The following STOX2 variants were observed in gnomAD, a reference collection of about 807,000 sequenced individuals.
STOX2 encodes the protein storkhead-box protein 2.
In STOX2, 28 loss-of-function variants were observed where a neutral mutation model predicts 60.9. The ratio of observed to expected loss-of-function variants is 0.46; its 90% confidence interval spans 0.34 to 0.63. The LOEUF is 0.63. STOX2 is among the 30% of genes least tolerant of loss of function. STOX2 has a pLI of 0.01. For missense variants in STOX2, 1,024 were observed against 1,187.7 expected, an observed-to-expected ratio of 0.86 and a Z score of 2.03; for synonymous variants, 472 against 463.9, an observed-to-expected ratio of 1.02 and a Z score of -0.22.
At chr4:183,998,856 G>A (rs1282758944) in intron 1 of STOX2, among the ~76,000 whole-genome samples, 4 of 151,654 alleles carry the variant, frequency 2.6e-5, no homozygotes, top group Non-Finnish European at 5.9e-5. Context: ...TTAGGTTTTA[G>A]AGTAAGACTT....
chr4:184,007,948 G>A (rs1239668816), intron 2 of STOX2, among the ~76,000 whole-genome samples: 1 of 152,180 alleles, frequency 6.6e-6, no homozygotes, highest in African/African-American at 2.4e-5. Flanking sequence ...AGGATTTCAG[G>A]ATATAAATTG....
intron 1 of STOX2, among the ~76,000 whole-genome samples, chr4:183,943,004 A>G (rs1742792193): frequency 6.6e-6 from 1 of 152,198 alleles, no homozygotes; most frequent in African/African-American, 2.4e-5. Context: ...TTTCTGGAAG[A>G]CTGTTTGAAT....
intron 1 of STOX2, among the ~76,000 whole-genome samples, chr4:183,951,514 G>A (rs866293502): frequency 3.0e-4 from 42 of 138,816 alleles, no homozygotes; most frequent in Middle Eastern, 8.6e-3. Context: ...GCAGTGGCGC[G>A]ATCTCAGCTC....
chr4:183,854,701 C>T (rs1355051754), intron 1 of STOX2, among the ~76,000 whole-genome samples: 4 of 152,128 alleles, frequency 2.6e-5, no homozygotes, highest in Non-Finnish European at 5.9e-5. Context: ...GAAACTTTCT[C>T]ATAAATGATT....
At chr4:183,801,326 G>T (rs924086815) in intron 1 of STOX2, among the ~76,000 whole-genome samples, 1 of 152,204 alleles carries the variant, frequency 6.6e-6, no homozygotes, top group Non-Finnish European at 1.5e-5. Flanking sequence ...AGGGTATACA[G>T]GATGCTGGTA....
chr4:183,976,463 A>G (rs1202798169), intron 1 of STOX2, among the ~76,000 whole-genome samples: 2 of 150,172 alleles, frequency 1.3e-5, no homozygotes, highest in Non-Finnish European at 3.0e-5. Context: ...TCAACAATCT[A>G]TGTAGGATTA....
chr4:183,930,378 G>T (rs1462429130), intron 1 of STOX2, among the ~76,000 whole-genome samples: 3 of 150,210 alleles, frequency 2.0e-5, no homozygotes, highest in Non-Finnish European at 4.5e-5. Context: ...TTTGAGACAG[G>T]GTCTTACTCT....
intron 1 of STOX2, among the ~76,000 whole-genome samples, chr4:183,840,997 A>G (rs1298561169): frequency 6.6e-6 from 1 of 152,086 alleles, no homozygotes; most frequent in African/African-American, 2.4e-5. Context: ...CCTCCTGAGT[A>G]GCTGGGATTA....
intron 1 of STOX2, among the ~76,000 whole-genome samples, chr4:183,946,086 G>T (rs980655409): frequency 6.6e-6 from 1 of 152,156 alleles, no homozygotes; most frequent in Non-Finnish European, 1.5e-5. Flanking sequence ...GGTCTAACAG[G>T]TCTTGTTCTA....
intron 1 of STOX2, among the ~76,000 whole-genome samples, chr4:183,813,482 A>G (rs1241632814): frequency 6.6e-6 from 1 of 152,190 alleles, no homozygotes; most frequent in Non-Finnish European, 1.5e-5. Context: ...ATCTGGAAGG[A>G]TGTGAGTAGG....
Position 183,855,354 on chromosome 4 carries a change from G to T in STOX2, c.364+57299G>T, listed in dbSNP as rs1010792685. ...TTTAGTTCATAGGCTCGTCTTGGGG[G>T]AGTAATGCAGGCATGTGTGAAAGGG... On this transcript the variant is annotated intron_variant, in intron 1 of 2. Transcript: ENST00000513034. 2.6e-5 allele frequency among the ~76,000 whole-genome samples: 4 copies of T among 152,178 alleles called. No homozygotes were observed. The South Asian group carries it at 8.3e-4, about 32-fold the overall frequency.
At chr4:183,901,500 A>G (rs541864758), upstream of STOX2, among the ~76,000 whole-genome samples, 4 of 152,110 alleles carry the variant, frequency 2.6e-5, no homozygotes, top group South Asian at 6.2e-4. Flanking sequence ...ACTGTTTTCC[A>G]CAGTAGCTGT....
At chr4:183,910,568 T>TG (rs1741749696) in intron 1 of STOX2, among the ~76,000 whole-genome samples, 1 of 152,168 alleles carries the variant, frequency 6.6e-6, no homozygotes, top group Non-Finnish European at 1.5e-5. Context: ...AGCAAAGTTT[T>TG]GGGGGACATC....
intron 1 of STOX2, among the ~76,000 whole-genome samples, chr4:183,995,775 G>T (rs1733313299): frequency 6.6e-6 from 1 of 152,196 alleles, no homozygotes; most frequent in Admixed American, 6.5e-5. Flanking sequence ...CCAGGATCTG[G>T]CCCCTTTTTT....
In STOX2 at chr4:183,981,488, A is replaced by C. The variant is rs374392752; in HGVS notation, c.167-19837A>C. Among the ~76,000 whole-genome samples the C allele has an allele frequency of 1.9e-4, 29 of 151,896 alleles. No individual in the cohort carries two copies. The East Asian group carries it at 4.1e-3, about 21-fold the overall frequency. ...TCGGTTGGAAATAAATAGTCTGTAA[A>C]TCCAAATGCTGTGTAATAAAATTGT... is the stretch of plus-strand genomic sequence containing the variant. On this transcript the variant is annotated intron_variant, in intron 1 of 3. Transcript: ENST00000308497.
chr4:183,874,952 AATATATAT>A (rs759209967), intron 1 of STOX2, among the ~76,000 whole-genome samples: 708 of 44,574 alleles, frequency 0.016, 9 homozygotes, highest in Middle Eastern at 0.062. Context: ...AAAAAAAAAA[AATATATAT>A]ATATATATAT....
chr4:183,843,219 C>A (rs1462564073), intron 1 of STOX2, among the ~76,000 whole-genome samples: 1 of 151,660 alleles, frequency 6.6e-6, no homozygotes, highest in African/African-American at 2.4e-5. Context: ...GGTGGTATCC[C>A]AATCTGCAAG....
upstream of STOX2, among the ~76,000 whole-genome samples, chr4:183,905,127 C>T (rs1741550532): frequency 6.6e-6 from 1 of 152,204 alleles, no homozygotes; most frequent in African/African-American, 2.4e-5. Flanking sequence ...TTTGAATGAA[C>T]GGCAGTGCAA....
At chr4:183,935,356 A>C (rs1446741180) in intron 1 of STOX2, among the ~76,000 whole-genome samples, 1 of 152,264 alleles carries the variant, frequency 6.6e-6, no homozygotes, top group African/African-American at 2.4e-5. Context: ...GGGAAGATGA[A>C]AAAAAACAAC....
Sources: allele counts gnomAD v4.1 joint callset (sites outside exome capture counted in the v4.1 genomes callset), GRCh38; gene constraint gnomAD v4.1.1; transcripts MANE v1.5; gene names NCBI Gene and HGNC (gene_info 2026-07-23, HGNC 2026-07-21).